CLVS1: variants seen among roughly 807,000 people sequenced by gnomAD.
The protein encoded by CLVS1 is clavesin 1, also known as clavesin-1.
Under a neutral mutation model 33.1 loss-of-function variants are expected in CLVS1, and 10 were observed. The observed-to-expected ratio is 0.30, with a 90% CI of 0.19 to 0.51. The LOEUF is 0.51. CLVS1 is among the 20% of genes least tolerant of loss of function. The pLI, the probability that CLVS1 is intolerant of heterozygous loss-of-function variation, is 0.97. For synonymous variants in CLVS1, 163 were observed against 166.1 expected, an observed-to-expected ratio of 0.98 and a Z score of 0.14; for missense variants, 343 against 433.4, an observed-to-expected ratio of 0.79 and a Z score of 1.85.
chr8:61,058,345 G>A (rs1359709412), intron 1 of CLVS1, among the ~76,000 whole-genome samples: 1 of 152,122 alleles, frequency 6.6e-6, no homozygotes, highest in Non-Finnish European at 1.5e-5. Flanking sequence ...CCAGAAGCTG[G>A]GGCTACAGCT....
chr8:61,414,590 G>A (rs768789144), intron 3 of CLVS1, among the ~76,000 whole-genome samples: 1 of 152,116 alleles, frequency 6.6e-6, no homozygotes, highest in Admixed American at 6.5e-5. Flanking sequence ...CTGGGGCTGC[G>A]AGTAGGTCAG....
intron 2 of CLVS1, among the ~76,000 whole-genome samples, chr8:61,164,588 G>A (rs1454137861): frequency 1.3e-5 from 2 of 152,062 alleles, no homozygotes; most frequent in Non-Finnish European, 2.9e-5. Context: ...GAGTGGGAGG[G>A]CAAGTCCCCC....
At chr8:61,133,945 G>GT (rs1026327300) in intron 2 of CLVS1, among the ~76,000 whole-genome samples, 20 of 152,098 alleles carry the variant, frequency 1.3e-4, no homozygotes, top group African/African-American at 4.8e-4. Context: ...ATAGGAGAAG[G>GT]TTTTTTGTTT....
At chr8:61,144,738 G>C (rs1806380981) in intron 2 of CLVS1, among the ~76,000 whole-genome samples, 1 of 152,178 alleles carries the variant, frequency 6.6e-6, no homozygotes, top group Non-Finnish European at 1.5e-5. Context: ...GAATTTTAAT[G>C]ATCGCTATTC....
intron 2 of CLVS1, among the ~76,000 whole-genome samples, chr8:61,168,992 C>T (rs111661444): frequency 6.6e-6 from 1 of 152,326 alleles, no homozygotes; most frequent in African/African-American, 2.4e-5. Context: ...TGTGTACTTG[C>T]ACCATATTGA....
intron 1 of CLVS1, among the ~76,000 whole-genome samples, chr8:61,087,065 C>T (rs567488994): frequency 2.0e-5 from 3 of 152,320 alleles, no homozygotes; most frequent in East Asian, 3.9e-4. Context: ...CCTTCTAGCA[C>T]ATGCAAGCCT....
intron 2 of CLVS1, among the ~76,000 whole-genome samples, chr8:61,363,081 C>T (rs1465863553): frequency 2.0e-5 from 3 of 152,160 alleles, no homozygotes; most frequent in Non-Finnish European, 4.4e-5. Flanking sequence ...ATAGAACTTT[C>T]CAGGGGCTGA....
In CLVS1 at chr8:61,268,576, CCT is replaced by C. The variant is rs1295250801; in HGVS notation, c.-151-31100_-151-31099del. 2.9e-5 allele frequency among the ~76,000 whole-genome samples: 4 copies of C among 139,334 alleles called. No homozygotes were observed. The East Asian group carries it at 8.8e-4, about 31-fold the overall frequency. 91.4% of individuals were successfully genotyped at this position (139,334 alleles called of 152,430 possible). On this transcript the variant is annotated intron_variant, in intron 2 of 2. Transcript: ENST00000522621. ...CAAATGGTATTTCCAGTTCTAGATCCCTGAGGAATCGCCACACTGACTTCCAC... is the reference window on the plus strand; with the variant it reads ...CAAATGGTATTTCCAGTTCTAGATCCGAGGAATCGCCACACTGACTTCCAC...
intron 5 of CLVS1, among the ~76,000 whole-genome samples, chr8:61,467,768 CT>C (rs1410267295): frequency 1.3e-5 from 2 of 152,168 alleles, no homozygotes; most frequent in Admixed American, 6.5e-5. Flanking sequence ...GCAGAAGCCT[CT>C]GTTTGCAGGG....
intron 1 of CLVS1, among the ~76,000 whole-genome samples, chr8:61,077,929 C>T (rs1427748929): frequency 6.6e-6 from 1 of 152,176 alleles, no homozygotes; most frequent in African/African-American, 2.4e-5. Context: ...AAGGGGGCTC[C>T]GGCTCCTCGG....
intron 2 of CLVS1, among the ~76,000 whole-genome samples, chr8:61,339,960 GAGAGAAAGAA>G (rs1490597043): frequency 6.7e-6 from 1 of 149,174 alleles, no homozygotes. Context: ...TAAAGGGAGT[GAGAGAAAGAA>G]AGAGAAAGAA....
chr8:61,030,598 C>T, the CLVS1 span, among the ~76,000 whole-genome samples: 1 of 152,190 alleles, frequency 6.6e-6, no homozygotes, highest in Non-Finnish European at 1.5e-5. Context: ...GACATTGTAA[C>T]ACTGGGACAG....
chr8:61,443,278 GC>G (rs1164933307), intron 3 of CLVS1, among the ~76,000 whole-genome samples: 15 of 152,144 alleles, frequency 9.9e-5, no homozygotes, highest in Admixed American at 8.5e-4. Context: ...TATGGATCAT[GC>G]TTTTGGAGGC....
At chr8:61,042,235 G>A in the CLVS1 span, among the ~76,000 whole-genome samples, 3 of 152,302 alleles carry the variant, frequency 2.0e-5, no homozygotes, top group Non-Finnish European at 4.4e-5. Flanking sequence ...TTTGGGTAAA[G>A]CATTTAGAAT....
the CLVS1 span, among the ~76,000 whole-genome samples, chr8:60,991,643 G>C: frequency 6.6e-6 from 1 of 151,854 alleles, no homozygotes; most frequent in Admixed American, 6.6e-5. Flanking sequence ...TGGACTCTGA[G>C]ACTCTGAGCT....
chr8:61,409,061 A>G (rs554153752), intron 3 of CLVS1, among the ~76,000 whole-genome samples: 2 of 152,344 alleles, frequency 1.3e-5, no homozygotes, highest in African/African-American at 4.8e-5. Context: ...GGTAATTTAT[A>G]AAAAACCATT....
At position 61,338,427 on chromosome 8, in the gene CLVS1, C is replaced by T. The variant is rs970320779; in HGVS notation, c.455+38145C>T. Among the ~76,000 whole-genome samples the T allele has an allele frequency of 3.3e-5, 5 of 152,256 alleles. No homozygotes were observed. The East Asian group carries it at 9.6e-4, about 29-fold the overall frequency. On this transcript the variant is annotated intron_variant, in intron 2 of 5. Coordinates refer to ENST00000325897, the MANE Select transcript of CLVS1 (RefSeq NM_173519.3). ...TAAAACCAAACATTTCTGGGCCTCA[C>T]CCCCAGAGTTTCTGACTCCGTAGGC... is the stretch of plus-strand genomic sequence containing the variant.
At chr8:61,401,528 C>T (rs1814753089) in intron 3 of CLVS1, among the ~76,000 whole-genome samples, 1 of 152,042 alleles carries the variant, frequency 6.6e-6, no homozygotes, top group Non-Finnish European at 1.5e-5. Flanking sequence ...TCAAGGTGAA[C>T]TACAAACCAC....
rs148767468 is a variant in CLVS1, at chr8:61,399,932, C to T, written c.630+23153C>T. Among the ~76,000 whole-genome samples the T allele has an allele frequency of 5.4e-3, 817 of 152,282 alleles. 17 individuals are homozygous for T. Among genetic ancestry groups the T allele is most frequent in the Admixed American group, 0.048 (739 of 15,294 alleles). ...TGCCATTACAATGTTGTTTTAGTTA[C>T]TGCAGCCTTGCAGTATAGTTTGAAG... is the stretch of plus-strand genomic sequence containing the variant. On this transcript the variant is annotated intron_variant, in intron 3 of 5. Coordinates refer to ENST00000325897, the MANE Select transcript of CLVS1 (RefSeq NM_173519.3).
Sources: gnomAD v4.1 joint callset for allele counts (sites outside exome capture counted in the v4.1 genomes callset) on GRCh38, gnomAD v4.1.1 for gene constraint, MANE v1.5 for transcripts, NCBI Gene and HGNC (gene_info 2026-07-23, HGNC 2026-07-21) for gene names.